The following LRP1 variants were observed in gnomAD, a reference collection of about 807,000 sequenced individuals.
LRP1 encodes the protein prolow-density lipoprotein receptor-related protein 1.
In LRP1, 51 loss-of-function variants were observed where a neutral mutation model predicts 541.5. The ratio of observed to expected loss-of-function variants is 0.09; its 90% CI spans 0.08 to 0.12. The LOEUF (loss-of-function observed/expected upper bound fraction) is 0.12. Ranked by LOEUF, LRP1 falls within the 10% of genes least tolerant of loss-of-function variation. The pLI is 1.00. For synonymous variants in LRP1, 2,219 were observed against 2,470.8 expected (o/e 0.90, Z 3.02); for missense variants, 3,878 against 6,376.2 (o/e 0.61, Z 13.34).
chr12:57,173,764 T>C lies in LRP1; in HGVS notation c.3347-16T>C. 5.0e-6 allele frequency: 8 copies of C among 1,614,052 alleles called. No homozygotes were observed. Among genetic ancestry groups the C allele is most frequent in the Non-Finnish European group, 5.9e-6 (7 of 1,179,912 alleles). Reference sequence around the variant, plus strand: ...AGTCCCCGGGCCTGGGCCCTCATAGTGCACCTGTCCCTCAGCTCGGTGCAT... The same window carrying C: ...AGTCCCCGGGCCTGGGCCCTCATAGCGCACCTGTCCCTCAGCTCGGTGCAT... On this transcript the variant is annotated splice_polypyrimidine_tract_variant and intron_variant, in intron 21 of 88. Coordinates refer to ENST00000243077, the MANE Select transcript of LRP1 (RefSeq NM_002332.3). The surrounding 1 kb of genome is among the most constrained non-coding windows in gnomAD (Gnocchi z 4.7).
intron 6 of LRP1, chr12:57,147,303 A>T (rs892061732): frequency 6.6e-6 from 1 of 151,534 alleles, no homozygotes; most frequent in Non-Finnish European, 1.5e-5. Flanking sequence ...TCTCCCACAA[A>T]CTAATTATGG....
chr12:57,136,033 CT>C (rs1013876206), intron 1 of LRP1, among the ~76,000 whole-genome samples: 6 of 152,348 alleles, frequency 3.9e-5, no homozygotes, highest in African/African-American at 1.4e-4. Flanking sequence ...TCATCTGCCT[CT>C]GAGTCCCATT....
chr12:57,159,887 G>T lies in LRP1; in HGVS notation c.1861G>T (p.Asp621Tyr). Residue 621 changes from aspartate (D) to tyrosine (Y), a missense_variant, in exon 12 of 89, where the codon GAT becomes TAT. By Grantham distance (160) the Asp-to-Tyr change is radical. This residue lies in a region of LRP1 where 496 missense variants were observed against 861.0 expected (regional missense o/e 0.58). Transcript: ENST00000243077. The stretch of plus-strand genomic sequence containing the variant: ...GGGAGACAATCTGTACTGGACGGAC[G>T]ATGGGCCCAAAAAGACAATCAGCGT... ...WMGDNLYWTD[D>Y]GPKKTISVAR... is the part of the protein sequence containing the mutation. The T allele has an allele frequency of 6.2e-7, 1 of 1,614,198 alleles. No individual in the cohort carries two copies. Among genetic ancestry groups the T allele is most frequent in the Non-Finnish European group, 8.5e-7 (1 of 1,180,040 alleles).
chr12:57,140,476 G>A (rs2035267124), intron 2 of LRP1, among the ~76,000 whole-genome samples: 1 of 152,198 alleles, frequency 6.6e-6, no homozygotes, highest in South Asian at 2.1e-4. Context: ...AAAACCTTTA[G>A]AGATCTTTTG....
At position 57,173,613 on chromosome 12, in the gene LRP1, CTTGT is replaced by C. The variant is rs925768430; in HGVS notation, c.3347-161_3347-158del. The stretch of plus-strand genomic sequence containing the variant: ...AGCACCTCCTGCTGCAGATTCCTGC[CTTGT>C]TTGTTGCCTATGTGAATTTGACCCA... On this transcript the variant is annotated intron_variant, in intron 21 of 88. Coordinates refer to ENST00000243077, the MANE Select transcript of LRP1 (RefSeq NM_002332.3). The surrounding 1 kb of genome is among the most constrained non-coding windows in gnomAD (Gnocchi z 4.7). Among the ~76,000 whole-genome samples, 1 of 152,200 alleles carries C rather than the reference CTTGT, an allele frequency of 6.6e-6. No individual in the cohort carries two copies. Among genetic ancestry groups the C allele is most frequent in the Non-Finnish European group, 1.5e-5 (1 of 68,026 alleles).
intron 20 of LRP1, among the ~76,000 whole-genome samples, chr12:57,171,544 C>T (rs185021616): frequency 3.9e-5 from 6 of 152,156 alleles, no homozygotes; most frequent in Admixed American, 2.6e-4. Context: ...AGGTGTAAAT[C>T]GTGAGAGGCT....
intron 20 of LRP1, among the ~76,000 whole-genome samples, chr12:57,172,015 C>T (rs2035952366): frequency 6.6e-6 from 1 of 151,792 alleles, no homozygotes; most frequent in African/African-American, 2.4e-5. Context: ...GCATTCCTGC[C>T]CTCCCCTCCC....
At position 57,154,779 on chromosome 12, in the gene LRP1, G is replaced by C; in HGVS notation, c.1227+78G>C. ...CTGGTGAGGGGGGAAGCCTCTGTAGGGGAACCGTTCTCTGAGTCTCCTGGT... is the reference window on the plus strand; with the variant it reads ...CTGGTGAGGGGGGAAGCCTCTGTAGCGGAACCGTTCTCTGAGTCTCCTGGT... On this transcript the variant is annotated intron_variant, in intron 8 of 88. Transcript: ENST00000243077. This position sits in a 1 kb window ranked among gnomAD's most constrained non-coding sequence, Gnocchi z 4.6. The C allele has an allele frequency of 7.5e-7, 1 of 1,329,848 alleles. No homozygotes were observed. 82.4% of individuals were successfully genotyped at this position (1,329,848 alleles called of 1,614,324 possible).
chr12:57,173,090 G>T lies in LRP1; in HGVS notation c.3164-78G>T. 1 of 1,261,832 alleles carries T rather than the reference G, an allele frequency of 7.9e-7. No homozygotes were observed. 78.2% of individuals were successfully genotyped at this position (1,261,832 alleles called of 1,614,324 possible). The stretch of plus-strand genomic sequence containing the variant: ...TCATATCCCCAGGCTGGGCTTACCG[G>T]GGTGGCAGGGCACAGGGATGAGGAG... On this transcript the variant is annotated intron_variant, in intron 20 of 88. Transcript: ENST00000243077. The surrounding 1 kb of genome is among the most constrained non-coding windows in gnomAD (Gnocchi z 4.7).
At chr12:57,141,088 C>T (rs2035279996) in intron 2 of LRP1, among the ~76,000 whole-genome samples, 1 of 152,164 alleles carries the variant, frequency 6.6e-6, no homozygotes, top group Admixed American at 6.5e-5. Context: ...CTGTCTTCAG[C>T]CTGTCTCCTG....
In LRP1 at chr12:57,160,077, G is replaced by A. The variant is rs1565725267; in HGVS notation, c.1979+72G>A. ...GCCTCAGATAACTGGAGGATGAAAT[G>A]GACAGGGAAGCAGGGGAAGGCAGGT... On this transcript the variant is annotated intron_variant, in intron 12 of 88. Coordinates refer to ENST00000243077, the MANE Select transcript of LRP1 (RefSeq NM_002332.3). 4 of 1,506,516 alleles carry A rather than the reference G, an allele frequency of 2.7e-6. No individual in the cohort carries two copies. The East Asian group carries it at 9.2e-5, about 34-fold the overall frequency. 93.3% of individuals were successfully genotyped at this position (1,506,516 alleles called of 1,614,324 possible). A position where few individuals can be genotyped will look rare whatever the true frequency, so the allele number is the denominator to read the frequency against.
intron 20 of LRP1, among the ~76,000 whole-genome samples, chr12:57,171,681 A>G (rs930721220): frequency 6.6e-6 from 1 of 152,108 alleles, no homozygotes; most frequent in Non-Finnish European, 1.5e-5. Context: ...GGCCCCAAGA[A>G]AGGAAAATCA....
At chr12:57,176,515 G>A (rs1210621357) in intron 24 of LRP1, among the ~76,000 whole-genome samples, 4 of 152,186 alleles carry the variant, frequency 2.6e-5, no homozygotes, top group Non-Finnish European at 5.9e-5. Flanking sequence ...GCATGCAGCA[G>A]TGATCAAAAC....
intron 12 of LRP1, among the ~76,000 whole-genome samples, 172 bp downstream of exon 12, chr12:57,160,177 A>G (rs1252810803): frequency 1.3e-5 from 2 of 152,070 alleles, no homozygotes; most frequent in African/African-American, 4.8e-5. Context: ...AATGGGAGTG[A>G]TTCCTTAAAC....
chr12:57,162,767 C>T lies in LRP1; in HGVS notation c.2405-91C>T. The T allele has an allele frequency of 1.4e-6, 2 of 1,395,994 alleles. No individual in the cohort carries two copies. Among genetic ancestry groups the T allele is most frequent in the Non-Finnish European group, 1.9e-6 (2 of 1,026,682 alleles). The allele number at this position is 1,395,994 out of a possible 1,614,324, so 86.5% of individuals were successfully genotyped here. On this transcript the variant is annotated intron_variant, in intron 14 of 88. Transcript: ENST00000243077. The surrounding 1 kb of genome is among the most constrained non-coding windows in gnomAD (Gnocchi z 5.2). The stretch of plus-strand genomic sequence containing the variant: ...CTCTCCATATTTCCTCTTTCTGTCC[C>T]CACATCTTAATGTGTCTCCTCCCCT...
rs1156395677 is a variant in LRP1, at chr12:57,179,997, G to T, written c.5141+41G>T. 6.2e-7 allele frequency: 1 copy of T among 1,613,856 alleles called. No homozygotes were observed. The highest frequency in any genetic ancestry group is 8.5e-7 in the Non-Finnish European group (1 of 1,179,868). ...AGGGCCGGGGAGCATGGGGTGTGGG[G>T]CTGGGAAGAAGAGGACCCTGACCTT... On this transcript the variant is annotated intron_variant, in intron 30 of 88. Transcript: ENST00000243077. This position sits in a 1 kb window ranked among gnomAD's most constrained non-coding sequence, Gnocchi z 6.8.
At chr12:57,167,821 G>A (rs2035869878) in intron 19 of LRP1, among the ~76,000 whole-genome samples, 1 of 152,232 alleles carries the variant, frequency 6.6e-6, no homozygotes, top group Non-Finnish European at 1.5e-5. Flanking sequence ...GGCCAGAGAG[G>A]CAGAGCAAGG....
In LRP1 at chr12:57,204,813, C is replaced by G; in HGVS notation, c.11194+64C>G. ...TAGTGCACAGTGGGGTGAGTCTGGT[C>G]CTCGTGGGAGCTGCACTGGGGTTAG... is the stretch of plus-strand genomic sequence containing the variant. On this transcript the variant is annotated intron_variant, in intron 72 of 88. Transcript: ENST00000243077. This position sits in a 1 kb window ranked among gnomAD's most constrained non-coding sequence, Gnocchi z 5.3. 1 of 1,597,878 alleles carries G rather than the reference C, an allele frequency of 6.3e-7. No individual in the cohort carries two copies. Among genetic ancestry groups the G allele is most frequent in the Non-Finnish European group, 8.6e-7 (1 of 1,168,284 alleles).
chr12:57,180,231 C>G, intron 31 of LRP1, 90 bp downstream of exon 31: 3 of 1,578,788 alleles, frequency 1.9e-6, no homozygotes, highest in Non-Finnish European at 2.6e-6. Context: ...CCTCAGCCTC[C>G]CCAGAGCCCT....
Sources: allele counts gnomAD v4.1 joint callset (sites outside exome capture counted in the v4.1 genomes callset), GRCh38; gene constraint gnomAD v4.1.1; regional missense constraint gnomAD v4.1.1; non-coding constraint Gnocchi (gnomAD v3.1); transcripts MANE v1.5; gene names NCBI Gene and HGNC (gene_info 2026-07-23, HGNC 2026-07-21).